The following BMPR1B variants were observed in gnomAD, a reference collection of about 807,000 sequenced individuals.
The protein encoded by BMPR1B is bone morphogenetic protein receptor type 1B, also known as bone morphogenetic protein receptor type-1B.
Under a neutral mutation model 59.1 loss-of-function variants are expected in BMPR1B, and 12 were observed. The observed-to-expected ratio is 0.20, with a 90% CI of 0.13 to 0.33. BMPR1B has a LOEUF of 0.33. Among genes scored for constraint, BMPR1B ranks in the 10% least tolerant of loss-of-function variants. The probability of loss-of-function intolerance (pLI) is 1.00; values close to 1 mark genes in which losing one functional copy is unlikely to be tolerated. For missense variants in BMPR1B, 550 were observed against 610.9 expected, an observed-to-expected ratio of 0.90 and a Z score of 1.05; for synonymous variants, 237 against 207.3, an observed-to-expected ratio of 1.14 and a Z score of -1.23.
intron 4 of BMPR1B, among the ~76,000 whole-genome samples, chr4:95,112,941 A>C (rs147773084): frequency 1.7e-4 from 26 of 152,242 alleles, no homozygotes; most frequent in Admixed American, 1.7e-3. Flanking sequence ...AATTTAGGGT[A>C]CTTCTCTAGC....
At chr4:94,864,214 G>A (rs1726113091) in intron 1 of BMPR1B, among the ~76,000 whole-genome samples, 1 of 152,110 alleles carries the variant, frequency 6.6e-6, no homozygotes, top group Non-Finnish European at 1.5e-5. Flanking sequence ...TATAATTACT[G>A]GGATTCAGTC....
In BMPR1B at chr4:95,148,770, C is replaced by G; in HGVS notation, c.1099C>G (p.Pro367Ala). 6.2e-7 allele frequency: 1 copy of G among 1,613,898 alleles called. No homozygotes were observed. The highest frequency in any genetic ancestry group is 8.5e-7 in the Non-Finnish European group (1 of 1,179,898). ...TAGTGATACAAATGAAGTTGACATA[C>G]CACCTAACACTCGAGTTGGCACCAA... ...FISDTNEVDI[P>A]PNTRVGTKRY... Residue 367 changes from proline to alanine, a missense_variant, in exon 11 of 13, where the codon CCA becomes GCA. Physicochemically the swap from Pro to Ala is conservative, Grantham distance 27 (BLOSUM62 -1). Transcript: ENST00000515059.
At chr4:94,924,125 C>T (rs1012660564) in intron 2 of BMPR1B, among the ~76,000 whole-genome samples, 32 of 152,092 alleles carry the variant, frequency 2.1e-4, no homozygotes, top group African/African-American at 7.5e-4. Context: ...ATCTGTATTA[C>T]CCGTATATGG....
At chr4:94,984,123 A>G (rs1272755541) in intron 2 of BMPR1B, among the ~76,000 whole-genome samples, 1 of 152,196 alleles carries the variant, frequency 6.6e-6, no homozygotes, top group Non-Finnish European at 1.5e-5. Flanking sequence ...CACACTTAGG[A>G]AATTAAGAAA....
intron 1 of BMPR1B, among the ~76,000 whole-genome samples, chr4:94,874,452 TTTTG>T (rs1726635720): frequency 6.6e-6 from 1 of 152,152 alleles, no homozygotes; most frequent in Non-Finnish European, 1.5e-5. Context: ...TTGTGTCTCT[TTTTG>T]TTTATGTTTT....
chr4:95,118,393 A>C (rs1454258585), intron 6 of BMPR1B, among the ~76,000 whole-genome samples: 1 of 151,972 alleles, frequency 6.6e-6, no homozygotes, highest in African/African-American at 2.4e-5. Flanking sequence ...CTTTCTAGCT[A>C]TATGATTTTT....
intron 2 of BMPR1B, among the ~76,000 whole-genome samples, chr4:94,909,227 T>A (rs1028645754): frequency 6.6e-6 from 1 of 152,106 alleles, no homozygotes; most frequent in South Asian, 2.1e-4. Context: ...AATATAATTA[T>A]GTCTGGGAAT....
chr4:94,892,544 C>CA (rs1156553187), intron 2 of BMPR1B, among the ~76,000 whole-genome samples: 2 of 150,948 alleles, frequency 1.3e-5, no homozygotes, highest in Non-Finnish European at 3.0e-5. Flanking sequence ...AGCTGAAGAC[C>CA]AAAAAAAGGG....
At chr4:95,104,594 A>G in intron 4 of BMPR1B, 27 bp downstream of exon 4, 1 of 1,612,774 alleles carries the variant, frequency 6.2e-7, no homozygotes, top group Non-Finnish European at 8.5e-7. Flanking sequence ...ATTTAAAGCT[A>G]GCTTTAACAA....
intron 3 of BMPR1B, among the ~76,000 whole-genome samples, chr4:95,086,475 CAT>C (rs1729585996): frequency 6.6e-6 from 1 of 152,144 alleles, no homozygotes; most frequent in African/African-American, 2.4e-5. Flanking sequence ...TGTGGGCTGT[CAT>C]AGTTTTCATG....
chr4:95,037,711 C>A (rs912992713), intron 3 of BMPR1B, among the ~76,000 whole-genome samples: 1 of 151,972 alleles, frequency 6.6e-6, no homozygotes, highest in Admixed American at 6.6e-5. Flanking sequence ...AACCAGAGGG[C>A]AAGCCAGGAT....
At chr4:95,115,045 T>C (rs2149278079) in intron 5 of BMPR1B, among the ~76,000 whole-genome samples, 1 of 152,292 alleles carries the variant, frequency 6.6e-6, no homozygotes, top group Middle Eastern at 3.4e-3. Flanking sequence ...TATGGTTAGA[T>C]ACACAAATGG....
chr4:95,119,961 A>G (rs1296915396), intron 6 of BMPR1B, among the ~76,000 whole-genome samples: 1 of 152,128 alleles, frequency 6.6e-6, no homozygotes, highest in Admixed American at 6.6e-5. Flanking sequence ...AGACTGTTAC[A>G]GGAGTTTATT....
intron 6 of BMPR1B, among the ~76,000 whole-genome samples, chr4:95,116,415 G>GCACACACACACACACACACA (rs1491178901): frequency 4.4e-5 from 3 of 67,846 alleles, no homozygotes; most frequent in African/African-American, 2.4e-4. Flanking sequence ...CATGCTTTCA[G>GCACACACACACACACACACA]CGCGCGCACA....
intron 1 of BMPR1B, among the ~76,000 whole-genome samples, chr4:94,839,828 G>A (rs1306002047): frequency 2.0e-5 from 3 of 148,698 alleles, no homozygotes; most frequent in African/African-American, 7.5e-5. Context: ...TATTTTGCTC[G>A]TTAGTTGATG....
At chr4:94,880,379 C>A (rs1726909546) in intron 2 of BMPR1B, among the ~76,000 whole-genome samples, 1 of 152,144 alleles carries the variant, frequency 6.6e-6, no homozygotes, top group African/African-American at 2.4e-5. Context: ...GGCTGGAGTA[C>A]AATGGCACGA....
chr4:95,114,420 T>C (rs1345305945), intron 4 of BMPR1B, among the ~76,000 whole-genome samples: 5 of 152,146 alleles, frequency 3.3e-5, no homozygotes, highest in African/African-American at 1.2e-4. Context: ...TGTTCAGTAA[T>C]TGGTATCTAT....
chr4:94,850,276 GAAAAA>G (rs35845073), intron 1 of BMPR1B, among the ~76,000 whole-genome samples: 1 of 149,252 alleles, frequency 6.7e-6, no homozygotes, highest in Admixed American at 6.7e-5. Context: ...ATTTTTAAAT[GAAAAA>G]AAAAAAATGT....
At chr4:94,810,131 A>G (rs920958909) in intron 1 of BMPR1B, among the ~76,000 whole-genome samples, 10 of 151,952 alleles carry the variant, frequency 6.6e-5, no homozygotes, top group Non-Finnish European at 1.5e-4. Flanking sequence ...CTATCTATCC[A>G]CTCTCAAGAA....
Sources: allele counts gnomAD v4.1 joint callset (sites outside exome capture counted in the v4.1 genomes callset), GRCh38; gene constraint gnomAD v4.1.1; transcripts MANE v1.5; gene names NCBI Gene and HGNC (gene_info 2026-07-23, HGNC 2026-07-21).